The following FSTL5 variants were observed in gnomAD, a reference collection of about 807,000 sequenced individuals.
FSTL5 encodes follistatin like 5.
Under a neutral mutation model 89.1 loss-of-function variants are expected in FSTL5, and 62 were observed. The observed-to-expected ratio is 0.70, with a 90% CI of 0.57 to 0.86. The LOEUF (loss-of-function observed/expected upper bound fraction) is 0.86, where lower values mean the gene tolerates loss of function less well. Ranked by LOEUF, FSTL5 falls within the 40% of genes least tolerant of loss-of-function variation. The pLI is 0.00. For synonymous variants in FSTL5, 383 were observed against 346.2 expected (o/e 1.11, Z -1.18); for missense variants, 1,057 against 1,001.6 (o/e 1.06, Z -0.75).
rs989821151 is a variant in FSTL5 at position 162,125,717 on chromosome 4, C to A, written c.-16-14305G>T. ...TATTTGATTTGCATTTATTTTTAAT[C>A]CTTAGTGTAATTTACTTTAGGTGTT... On this transcript the variant is annotated intron_variant, in intron 1 of 15. Transcript: ENST00000306100. Among the ~76,000 whole-genome samples the A allele has an allele frequency of 2.0e-5, 3 of 151,840 alleles. No individual in the cohort carries two copies. The South Asian group carries it at 6.2e-4, about 32-fold the overall frequency.
intron 4 of FSTL5, among the ~76,000 whole-genome samples, chr4:161,789,919 T>C (rs560462386): frequency 1.3e-5 from 2 of 152,332 alleles, no homozygotes; most frequent in Non-Finnish European, 2.9e-5. Context: ...CAAATTTTTG[T>C]TTTAATTTTT....
At chr4:161,453,730 G>C (rs1733252639) in intron 15 of FSTL5, among the ~76,000 whole-genome samples, 1 of 152,054 alleles carries the variant, frequency 6.6e-6, no homozygotes, top group African/African-American at 2.4e-5. Flanking sequence ...GAGCAGCTGG[G>C]ACTACAGACA....
At chr4:161,953,637 T>C (rs1560934394) in intron 3 of FSTL5, among the ~76,000 whole-genome samples, 2 of 151,674 alleles carry the variant, frequency 1.3e-5, no homozygotes, top group Admixed American at 1.3e-4. Flanking sequence ...AATCATTTTA[T>C]ATTATTTTAA....
intron 3 of FSTL5, among the ~76,000 whole-genome samples, chr4:161,935,753 A>T (rs1163541960): frequency 6.6e-6 from 1 of 152,096 alleles, no homozygotes; most frequent in Non-Finnish European, 1.5e-5. Flanking sequence ...CTGCCCAATT[A>T]ACAGATTTTC....
intron 4 of FSTL5, among the ~76,000 whole-genome samples, chr4:161,830,191 A>G (rs765401667): frequency 1.4e-4 from 21 of 152,170 alleles, no homozygotes; most frequent in Non-Finnish European, 2.2e-4. Context: ...CAATTGGTCC[A>G]TCACTATCAG....
At chr4:161,782,337 CGTACCATTTT>C (rs887702289) in intron 4 of FSTL5, among the ~76,000 whole-genome samples, 15 of 152,066 alleles carry the variant, frequency 9.9e-5, no homozygotes, top group East Asian at 9.6e-4. Flanking sequence ...CCAAAGTGGC[CGTACCATTTT>C]GTATTCCAGC....
At chr4:161,718,674 C>G (rs1739088458) in intron 6 of FSTL5, among the ~76,000 whole-genome samples, 1 of 152,144 alleles carries the variant, frequency 6.6e-6, no homozygotes, top group Admixed American at 6.5e-5. Flanking sequence ...GTGGCCCACC[C>G]ACCTCAGCCT....
intron 8 of FSTL5, among the ~76,000 whole-genome samples, chr4:161,547,139 A>T (rs1732034627): frequency 6.6e-6 from 1 of 152,028 alleles, no homozygotes; most frequent in Admixed American, 6.6e-5. Context: ...CCAGCAAAAA[A>T]CTAAGGCCTC....
At chr4:161,842,873 G>A (rs539628495) in intron 4 of FSTL5, among the ~76,000 whole-genome samples, 8 of 151,870 alleles carry the variant, frequency 5.3e-5, no homozygotes, top group Non-Finnish European at 7.4e-5. Context: ...AAGAATTACT[G>A]GTGATCTAAG....
intron 6 of FSTL5, among the ~76,000 whole-genome samples, chr4:161,660,809 C>A (rs1455797519): frequency 1.3e-5 from 2 of 152,082 alleles, no homozygotes; most frequent in Non-Finnish European, 2.9e-5. Context: ...TGATCTTGTT[C>A]TTTTTTATGG....
At position 161,417,810 on chromosome 4, in the gene FSTL5, G is replaced by A. The variant is rs149136531; in HGVS notation, c.1842-31361C>T. Among the ~76,000 whole-genome samples the A allele has an allele frequency of 8.9e-3, 1,351 of 152,314 alleles. 18 individuals are homozygous for A. The highest frequency in any genetic ancestry group is 0.031 in the African/African-American group (1,291 of 41,562). On this transcript the variant is annotated intron_variant, in intron 15 of 15. Coordinates refer to ENST00000306100, the MANE Select transcript of FSTL5 (RefSeq NM_020116.5). ...GTTTGTTAAATAAACACTTAAAAGAGATGCTAATGGATACATAAATTACTT... is the reference window on the plus strand; with the variant it reads ...GTTTGTTAAATAAACACTTAAAAGAAATGCTAATGGATACATAAATTACTT...
At chr4:162,077,867 A>G (rs1390814946) in intron 2 of FSTL5, among the ~76,000 whole-genome samples, 1 of 151,880 alleles carries the variant, frequency 6.6e-6, no homozygotes, top group African/African-American at 2.4e-5. Context: ...ATTGCAATAT[A>G]TTAAACAAAG....
At chr4:161,765,571 T>C (rs1740964880) in intron 5 of FSTL5, among the ~76,000 whole-genome samples, 2 of 152,194 alleles carry the variant, frequency 1.3e-5, no homozygotes. Flanking sequence ...TGCAAAAACC[T>C]ATTGGCAGTC....
chr4:161,717,381 T>C lies in FSTL5; in HGVS notation c.727+42030A>G, dbSNP rs192255433. Among the ~76,000 whole-genome samples the C allele has an allele frequency of 2.4e-4, 36 of 152,298 alleles. 1 individual carries two copies. Among genetic ancestry groups the C allele is most frequent in the African/African-American group, 8.7e-4 (36 of 41,550 alleles). ...AGCTGGTTTCAGTGTCAGTAGCAAG[T>C]CTATGTTAATTTAGAGTTTCCAGTG... On this transcript the variant is annotated intron_variant, in intron 6 of 15. Transcript: ENST00000306100.
intron 12 of FSTL5, among the ~76,000 whole-genome samples, chr4:161,484,933 C>T (rs926906836): frequency 1.3e-5 from 2 of 151,996 alleles, no homozygotes; most frequent in Non-Finnish European, 2.9e-5. Context: ...TGGCCCACTG[C>T]CTAATTTGAT....
chr4:162,084,523 C>G (rs1730230602), intron 2 of FSTL5, among the ~76,000 whole-genome samples: 2 of 151,968 alleles, frequency 1.3e-5, no homozygotes, highest in African/African-American at 4.8e-5. Flanking sequence ...GGAACCAACC[C>G]AAATGCCCAT....
chr4:161,692,284 TAA>T (rs762042065), intron 6 of FSTL5, among the ~76,000 whole-genome samples: 25 of 151,944 alleles, frequency 1.6e-4, no homozygotes, highest in Non-Finnish European at 2.8e-4. Flanking sequence ...ATTTTTATCA[TAA>T]AAGTGTGTTG....
intron 4 of FSTL5, among the ~76,000 whole-genome samples, chr4:161,896,479 C>T (rs1294028219): frequency 6.6e-6 from 1 of 152,002 alleles, no homozygotes; most frequent in Non-Finnish European, 1.5e-5. Flanking sequence ...ACACACACAC[C>T]CCTACATTAG....
intron 1 of FSTL5, among the ~76,000 whole-genome samples, chr4:162,139,011 C>G (rs193127221): frequency 1.3e-5 from 2 of 152,008 alleles, no homozygotes; most frequent in Admixed American, 6.6e-5. Context: ...ATTCCTCAAA[C>G]TGAGTTATAG....
Sources: allele counts gnomAD v4.1 joint callset (sites outside exome capture counted in the v4.1 genomes callset), GRCh38; gene constraint gnomAD v4.1.1; transcripts MANE v1.5; gene names NCBI Gene and HGNC (gene_info 2026-07-23, HGNC 2026-07-21).